CDH13: variants seen among roughly 807,000 people sequenced by gnomAD.
CDH13 encodes the protein cadherin-13.
A neutral mutation model predicts 63.8 loss-of-function variants in CDH13; 24 were observed. The ratio of observed to expected loss-of-function variants is 0.38; its 90% CI spans 0.27 to 0.53. The LOEUF (loss-of-function observed/expected upper bound fraction) is 0.53. Among genes scored for constraint, CDH13 ranks in the 20% least tolerant of loss-of-function variants. CDH13 has a pLI of 0.85. For missense variants in CDH13, 1,049 were observed against 903.1 expected (o/e 1.16, Z -2.07); for synonymous variants, 503 against 355.3 (o/e 1.42, Z -4.67).
At chr16:83,098,180 T>G (rs537188101) in intron 3 of CDH13, among the ~76,000 whole-genome samples, 2 of 152,342 alleles carry the variant, frequency 1.3e-5, no homozygotes, top group South Asian at 4.1e-4. Context: ...TAGTGGTTGC[T>G]TTAGAATTTG....
intron 6 of CDH13, among the ~76,000 whole-genome samples, chr16:83,393,970 A>G (rs1025377505): frequency 8.5e-5 from 13 of 152,212 alleles, no homozygotes; most frequent in African/African-American, 3.1e-4. Context: ...CCTGGAGGTC[A>G]TTATCCTTAG....
intron 3 of CDH13, among the ~76,000 whole-genome samples, chr16:83,101,889 A>T (rs2034495630): frequency 6.6e-6 from 1 of 152,210 alleles, no homozygotes; most frequent in Non-Finnish European, 1.5e-5. Context: ...CTGCTGTGGA[A>T]GACAGAACCA....
At chr16:83,161,487 C>G (rs958582253) in intron 4 of CDH13, among the ~76,000 whole-genome samples, 1 of 152,002 alleles carries the variant, frequency 6.6e-6, no homozygotes, top group East Asian at 1.9e-4. Context: ...TCAAAGATGC[C>G]TATTACTATT....
chr16:83,730,996 A>G (rs1164676825), intron 10 of CDH13, among the ~76,000 whole-genome samples: 1 of 152,198 alleles, frequency 6.6e-6, no homozygotes, highest in Non-Finnish European at 1.5e-5. Context: ...ACACAATTTC[A>G]TCCTTTTTCA....
At chr16:82,883,184 C>T (rs887341462) in intron 2 of CDH13, among the ~76,000 whole-genome samples, 7 of 152,092 alleles carry the variant, frequency 4.6e-5, no homozygotes, top group Admixed American at 6.5e-5. Flanking sequence ...ATGCCAGTTC[C>T]GTTGTGGAAA....
At chr16:83,689,385 G>A (rs1904624073) in intron 10 of CDH13, among the ~76,000 whole-genome samples, 1 of 152,062 alleles carries the variant, frequency 6.6e-6, no homozygotes, top group Non-Finnish European at 1.5e-5. Context: ...GATTGCAACA[G>A]AAGTCAGTTG....
At chr16:83,708,742 G>A (rs946942956) in intron 10 of CDH13, among the ~76,000 whole-genome samples, 8 of 152,192 alleles carry the variant, frequency 5.3e-5, no homozygotes, top group Non-Finnish European at 1.0e-4. Flanking sequence ...GAAGGAGGCA[G>A]GGCCAAGCGC....
At chr16:83,686,171 A>G (rs756122891) in intron 10 of CDH13, among the ~76,000 whole-genome samples, 15 of 152,226 alleles carry the variant, frequency 9.9e-5, no homozygotes, top group Non-Finnish European at 2.1e-4. Flanking sequence ...CCTCCGTACC[A>G]CTGCGCCTAC....
intron 3 of CDH13, among the ~76,000 whole-genome samples, chr16:83,090,112 C>T (rs898645474): frequency 3.3e-5 from 5 of 152,154 alleles, no homozygotes; most frequent in Admixed American, 6.5e-5. Context: ...TCGTCAACCC[C>T]ACCCACAAAA....
chr16:83,671,312 G>T (rs974408750), intron 9 of CDH13, among the ~76,000 whole-genome samples: 5 of 152,136 alleles, frequency 3.3e-5, no homozygotes, highest in Non-Finnish European at 7.4e-5. Flanking sequence ...GCAGTGGTGT[G>T]ATCTCAGCTC....
intron 10 of CDH13, among the ~76,000 whole-genome samples, chr16:83,733,453 C>T (rs529284914): frequency 2.0e-5 from 3 of 152,266 alleles, no homozygotes; most frequent in East Asian, 1.9e-4. Context: ...AGGGAGGTCC[C>T]GTCATCACCT....
At chr16:83,064,552 A>G (rs970990375) in intron 3 of CDH13, among the ~76,000 whole-genome samples, 1 of 152,238 alleles carries the variant, frequency 6.6e-6, no homozygotes, top group African/African-American at 2.4e-5. Flanking sequence ...TGATTATTAT[A>G]TAATGATCAT....
At chr16:82,826,913 G>T (rs771080936) in intron 1 of CDH13, among the ~76,000 whole-genome samples, 1 of 152,170 alleles carries the variant, frequency 6.6e-6, no homozygotes. Flanking sequence ...GACTACAGTC[G>T]ACTCTCAGGG....
intron 3 of CDH13, among the ~76,000 whole-genome samples, chr16:83,113,075 C>T (rs924772576): frequency 2.0e-5 from 3 of 152,026 alleles, no homozygotes; most frequent in Admixed American, 6.5e-5. Flanking sequence ...CTGATGCTAT[C>T]GAAGGAAAAA....
At chr16:83,054,107 C>T (rs992299852) in intron 3 of CDH13, among the ~76,000 whole-genome samples, 2 of 152,064 alleles carry the variant, frequency 1.3e-5, no homozygotes, top group African/African-American at 2.4e-5. Flanking sequence ...TAGGCTATAC[C>T]GTATTTCCTA....
intron 2 of CDH13, among the ~76,000 whole-genome samples, chr16:82,965,329 C>T (rs72790180): frequency 5.3e-5 from 8 of 152,336 alleles, no homozygotes; most frequent in Non-Finnish European, 8.8e-5. Context: ...GAACAAGGAG[C>T]CCCTATGGAG....
chr16:83,555,317 A>G (rs1230383160), intron 7 of CDH13, among the ~76,000 whole-genome samples: 1 of 152,218 alleles, frequency 6.6e-6, no homozygotes, highest in Non-Finnish European at 1.5e-5. Context: ...CAGCATTGAA[A>G]ACACCTGGAA....
At chr16:83,243,500 G>T (rs1904683251) in intron 5 of CDH13, among the ~76,000 whole-genome samples, 2 of 152,098 alleles carry the variant, frequency 1.3e-5, no homozygotes, top group South Asian at 4.1e-4. Flanking sequence ...ACAACACATG[G>T]TAATTGTGGG....
intron 3 of CDH13, among the ~76,000 whole-genome samples, chr16:83,042,849 A>G (rs1040715718): frequency 1.3e-5 from 2 of 152,244 alleles, no homozygotes; most frequent in African/African-American, 2.4e-5. Flanking sequence ...CCAGTGGAGA[A>G]TGAATCTGCA....
Sources: gnomAD v4.1 joint callset for allele counts (sites outside exome capture counted in the v4.1 genomes callset) on GRCh38, gnomAD v4.1.1 for gene constraint, MANE v1.5 for transcripts, NCBI Gene and HGNC (gene_info 2026-07-23, HGNC 2026-07-21) for gene names.